SND1: variants seen among roughly 807,000 people sequenced by gnomAD.
SND1 encodes the protein staphylococcal nuclease domain-containing protein 1.
In SND1, 38 loss-of-function variants were observed where a neutral mutation model predicts 121.7. The ratio of observed to expected loss-of-function variants is 0.31; its 90% CI spans 0.24 to 0.41. The LOEUF is 0.41. SND1 is among the 10% of genes least tolerant of loss of function. SND1 has a pLI of 1.00. For synonymous variants in SND1, 401 were observed against 447.4 expected, an observed-to-expected ratio of 0.90 and a Z score of 1.31; for missense variants, 868 against 1,184.6, an observed-to-expected ratio of 0.73 and a Z score of 3.92.
At chr7:128,022,826 G>T (rs1002592972) in intron 16 of SND1, among the ~76,000 whole-genome samples, 2 of 152,006 alleles carry the variant, frequency 1.3e-5, no homozygotes, top group Non-Finnish European at 2.9e-5. Context: ...TCCCCAAGCA[G>T]TGGACAGCCT....
intron 10 of SND1, among the ~76,000 whole-genome samples, chr7:127,766,801 A>AAAAAAAAAAAGTTTTTTTCT (rs1797429674): frequency 7.2e-6 from 1 of 139,522 alleles, no homozygotes; most frequent in Non-Finnish European, 1.6e-5. Flanking sequence ...AAAAAAAAAA[A>AAAAAAAAAAAGTTTTTTTCT]TAGTTTTTTT....
At chr7:128,051,223 G>A (rs1793040969) in intron 16 of SND1, among the ~76,000 whole-genome samples, 1 of 152,172 alleles carries the variant, frequency 6.6e-6, no homozygotes, top group Non-Finnish European at 1.5e-5. Context: ...CTGCCCCTGA[G>A]TCCACCCTCC....
intron 12 of SND1, among the ~76,000 whole-genome samples, chr7:127,861,857 G>C (rs1294190302): frequency 6.6e-6 from 1 of 152,146 alleles, no homozygotes; most frequent in Non-Finnish European, 1.5e-5. Context: ...TCACATCCAG[G>C]AACTCAAGGG....
chr7:127,733,342 T>A (rs1796714522), intron 10 of SND1, among the ~76,000 whole-genome samples: 1 of 152,188 alleles, frequency 6.6e-6, no homozygotes, highest in South Asian at 2.1e-4. Flanking sequence ...ATGTAAAATC[T>A]AAGGAAGCAG....
At chr7:127,904,952 A>AC in intron 14 of SND1, 133 bp downstream of exon 14, 1 of 613,114 alleles carries the variant, frequency 1.6e-6, no homozygotes, top group Non-Finnish European at 3.0e-6. Context: ...ACTTTTCCCC[A>AC]CCCCGGGGCA....
chr7:127,923,181 G>T (rs1455435411), intron 14 of SND1, among the ~76,000 whole-genome samples: 1 of 152,114 alleles, frequency 6.6e-6, no homozygotes, highest in Non-Finnish European at 1.5e-5. Context: ...TAGAGATGGG[G>T]TATTGAACTC....
intron 14 of SND1, among the ~76,000 whole-genome samples, chr7:127,924,559 C>T (rs116999377): frequency 0.01 from 1,598 of 152,228 alleles, 17 homozygotes; most frequent in Non-Finnish European, 0.017. Flanking sequence ...CACCGACATC[C>T]TAAACCCTGT....
chr7:127,692,589 T>C (rs1409045888), intron 2 of SND1: 7 of 152,264 alleles, frequency 4.6e-5, no homozygotes, highest in Non-Finnish European at 1.0e-4. Context: ...AGCACTCTCT[T>C]GCCCTCAGAG....
At chr7:127,686,421 C>T (rs1795813521) in intron 1 of SND1, among the ~76,000 whole-genome samples, 192 bp from the exon 2 acceptor site, 1 of 152,006 alleles carries the variant, frequency 6.6e-6, no homozygotes, top group Non-Finnish European at 1.5e-5. Context: ...AGAATTTGGC[C>T]CCAGGCTTTA....
chr7:127,789,183 A>G (rs777323149), intron 10 of SND1, among the ~76,000 whole-genome samples: 2 of 151,896 alleles, frequency 1.3e-5, no homozygotes, highest in Non-Finnish European at 2.9e-5. Context: ...TGCCTCCCCA[A>G]CTCTACTGGG....
intron 7 of SND1, 65 bp from the exon 8 acceptor site, chr7:127,704,774 G>A: frequency 7.6e-7 from 1 of 1,317,142 alleles, no homozygotes; most frequent in Non-Finnish European, 1.1e-6. Context: ...CAGAAGTCTA[G>A]AGAAATGGAT....
chr7:127,893,557 T>C (rs1363443704), intron 13 of SND1, among the ~76,000 whole-genome samples: 1 of 152,114 alleles, frequency 6.6e-6, no homozygotes, highest in African/African-American at 2.4e-5. Context: ...GAAAAGAAAT[T>C]GATGCTCCAG....
At chr7:127,765,978 G>A (rs986703662) in intron 10 of SND1, among the ~76,000 whole-genome samples, 2 of 152,284 alleles carry the variant, frequency 1.3e-5, no homozygotes, top group African/African-American at 2.4e-5. Flanking sequence ...TGGTCAGATC[G>A]TGTCCTCTAA....
At chr7:127,863,292 C>T (rs1271445083) in intron 12 of SND1, among the ~76,000 whole-genome samples, 1 of 152,176 alleles carries the variant, frequency 6.6e-6, no homozygotes, top group East Asian at 1.9e-4. Context: ...CTCTTAAAAG[C>T]AGAGAAGACA....
chr7:127,747,266 C>T (rs1338894179), intron 10 of SND1, among the ~76,000 whole-genome samples: 1 of 152,124 alleles, frequency 6.6e-6, no homozygotes, highest in East Asian at 1.9e-4. Flanking sequence ...TTGTCAAAGG[C>T]CCTGGATCCT....
chr7:128,046,397 A>C (rs1584760056), intron 16 of SND1, among the ~76,000 whole-genome samples: 1 of 116,682 alleles, frequency 8.6e-6, no homozygotes, highest in Non-Finnish European at 1.6e-5. Context: ...ACAGAGTCTC[A>C]CTCCGTCACG....
chr7:127,694,657 A>C, intron 2 of SND1, 171 bp from the exon 3 acceptor site: 1 of 699,760 alleles, frequency 1.4e-6, no homozygotes, highest in South Asian at 2.3e-5. Flanking sequence ...TGAGCCCCCT[A>C]AGTGTGCGAT....
In SND1 at chr7:127,799,031, C is replaced by T. The variant is rs141307738; in HGVS notation, c.1153-8453C>T. Among the ~76,000 whole-genome samples the T allele has an allele frequency of 1.1e-4, 17 of 152,230 alleles. 1 individual carries two copies. In the South Asian group the frequency reaches 2.5e-3, roughly 22 times the overall value. Reference sequence around the variant, plus strand: ...CATTGCATCAGGAGCAACAACATAGCGAGACTGTGTTAAAGAACAAAAATT... The same window carrying T: ...CATTGCATCAGGAGCAACAACATAGTGAGACTGTGTTAAAGAACAAAAATT... On this transcript the variant is annotated intron_variant, in intron 10 of 23. Transcript: ENST00000354725.
intron 12 of SND1, among the ~76,000 whole-genome samples, chr7:127,860,341 C>T (rs901352861): frequency 2.0e-5 from 3 of 152,122 alleles, no homozygotes; most frequent in Non-Finnish European, 4.4e-5. Flanking sequence ...GTAGATTTTC[C>T]CTGTAGCTCT....
Sources: allele counts gnomAD v4.1 joint callset (sites outside exome capture counted in the v4.1 genomes callset), GRCh38; gene constraint gnomAD v4.1.1; transcripts MANE v1.5; gene names NCBI Gene and HGNC (gene_info 2026-07-23, HGNC 2026-07-21).